The following DIP2C variants were observed in gnomAD, a reference collection of about 807,000 sequenced individuals.
DIP2C encodes DIP2 acetate--CoA ligase C (putative).
In DIP2C, 33 loss-of-function variants were observed where a neutral mutation model predicts 192.4. The observed-to-expected ratio is 0.17, with a 90% CI of 0.13 to 0.23. The LOEUF (loss-of-function observed/expected upper bound fraction) is 0.23, where lower values mean the gene tolerates loss of function less well. Ranked by LOEUF, DIP2C falls within the 10% of genes least tolerant of loss-of-function variation. The pLI is 1.00. For missense variants in DIP2C, 1,537 were observed against 2,110.1 expected (o/e 0.73, Z 5.32); for synonymous variants, 979 against 864.1 (o/e 1.13, Z -2.33).
chr10:638,591 T>C (rs1854963763), intron 1 of DIP2C, among the ~76,000 whole-genome samples: 1 of 152,216 alleles, frequency 6.6e-6, no homozygotes, highest in Non-Finnish European at 1.5e-5. Flanking sequence ...CCTCAAGCAC[T>C]ATCACCTAGA....
At position 277,164 on chromosome 10, in the gene DIP2C, G is replaced by T; in HGVS notation, c.*161C>A. The T allele has an allele frequency of 9.6e-7, 1 of 1,046,384 alleles. No homozygotes were observed. Among genetic ancestry groups the T allele is most frequent in the Non-Finnish European group, 1.3e-6 (1 of 742,700 alleles). The allele number at this position is 1,046,384 out of a possible 1,614,324, so 64.8% of individuals were successfully genotyped here. A position where few individuals can be genotyped will look rare whatever the true frequency, so the allele number is the denominator to read the frequency against. On this transcript the variant is annotated 3_prime_UTR_variant, in exon 37 of 37. Transcript: ENST00000280886. The stretch of plus-strand genomic sequence containing the variant: ...TTCACATTTCACCCCCATGCCAATC[G>T]TGGCTGCTGTGAGAAGTCCTCTTCC...
In DIP2C at chr10:380,555, A is replaced by G. The variant is rs114685510; in HGVS notation, c.1991+2092T>C. Among the ~76,000 whole-genome samples the G allele has an allele frequency of 6.1e-3, 925 of 152,378 alleles. 4 individuals are homozygous for G. Among genetic ancestry groups the G allele is most frequent in the Middle Eastern group, 0.014 (4 of 294 alleles). The stretch of plus-strand genomic sequence containing the variant: ...AGAGGAAACGGCCATCCTCGAACCC[A>G]TCCAAACAGGCATAATCCGTCCTCT... On this transcript the variant is annotated intron_variant, in intron 17 of 36. Coordinates refer to ENST00000280886, the MANE Select transcript of DIP2C (RefSeq NM_014974.3).
intron 2 of DIP2C, among the ~76,000 whole-genome samples, chr10:474,592 T>C (rs1327430385): frequency 6.6e-6 from 1 of 152,044 alleles, no homozygotes; most frequent in African/African-American, 2.4e-5. Context: ...CTTGTTCTCA[T>C]GCTCTTCAAT....
chr10:357,330 T>C (rs922552492), intron 23 of DIP2C, among the ~76,000 whole-genome samples: 6 of 152,288 alleles, frequency 3.9e-5, no homozygotes, highest in African/African-American at 1.4e-4. Flanking sequence ...AACTGCTTCT[T>C]AGAGTCCACA....
intron 1 of DIP2C, among the ~76,000 whole-genome samples, chr10:570,537 T>TCCAG (rs957719029): frequency 2.6e-5 from 4 of 152,152 alleles, no homozygotes; most frequent in African/African-American, 9.7e-5. Flanking sequence ...CGCTCTTCCA[T>TCCAG]CCAGCCAGAC....
intron 1 of DIP2C, among the ~76,000 whole-genome samples, chr10:489,151 A>G (rs933983007): frequency 3.9e-5 from 6 of 152,166 alleles, no homozygotes; most frequent in African/African-American, 1.4e-4. Flanking sequence ...CCCAAAGCTC[A>G]TGGCTCACAA....
chr10:590,434 C>T (rs945268266), intron 1 of DIP2C, among the ~76,000 whole-genome samples: 2 of 152,242 alleles, frequency 1.3e-5, no homozygotes, highest in African/African-American at 4.8e-5. Context: ...CCTGGTGACA[C>T]AAGGCCCAGT....
intron 24 of DIP2C, among the ~76,000 whole-genome samples, chr10:353,812 G>A (rs969357216): frequency 6.6e-6 from 1 of 152,190 alleles, no homozygotes; most frequent in Non-Finnish European, 1.5e-5. Context: ...CACTTATGGT[G>A]TGTGGAGTGA....
At chr10:580,402 A>G (rs1404836223) in intron 1 of DIP2C, among the ~76,000 whole-genome samples, 3 of 152,182 alleles carry the variant, frequency 2.0e-5, no homozygotes, top group African/African-American at 7.2e-5. Context: ...ATGTGCAAAT[A>G]CCCATATGGT....
rs185245920 is a variant in DIP2C at position 552,169 on chromosome 10, T to G, written c.86-65639A>C. Among the ~76,000 whole-genome samples, 610 of 152,360 alleles carry G rather than the reference T, an allele frequency of 4.0e-3. 7 individuals carry two copies. The highest frequency in any genetic ancestry group is 6.4e-3 in the Non-Finnish European group (436 of 68,036). ...ATGGCAGCTCTACCAAGACCAAGAA[T>G]GGCAACTAATCTGAGATTTACTATC... On this transcript the variant is annotated intron_variant, in intron 1 of 36. Coordinates refer to ENST00000280886, the MANE Select transcript of DIP2C (RefSeq NM_014974.3).
At chr10:537,519 T>C (rs1424894223) in intron 1 of DIP2C, among the ~76,000 whole-genome samples, 1 of 152,126 alleles carries the variant, frequency 6.6e-6, no homozygotes, top group Non-Finnish European at 1.5e-5. Context: ...CTCCAGCATC[T>C]GCCCCCCACA....
chr10:426,997 A>C (rs923009008), intron 4 of DIP2C, among the ~76,000 whole-genome samples: 1 of 152,260 alleles, frequency 6.6e-6, no homozygotes, highest in Non-Finnish European at 1.5e-5. Context: ...ACTGGACTTC[A>C]TTAAAATAGA....
At chr10:279,551 T>C (rs530444052) in intron 36 of DIP2C, among the ~76,000 whole-genome samples, 2 of 152,356 alleles carry the variant, frequency 1.3e-5, no homozygotes, top group Admixed American at 6.5e-5. Context: ...GAAAGTTTGT[T>C]TGGCTTGAAT....
intron 31 of DIP2C, among the ~76,000 whole-genome samples, chr10:321,547 G>C (rs139591058): frequency 0.02 from 2,551 of 127,816 alleles, 121 homozygotes; most frequent in African/African-American, 0.072. Flanking sequence ...TCCAGCGAGA[G>C]ACCGGCGCTG....
chr10:511,808 T>C (rs1846030917), intron 1 of DIP2C, among the ~76,000 whole-genome samples: 1 of 152,204 alleles, frequency 6.6e-6, no homozygotes, highest in Non-Finnish European at 1.5e-5. Context: ...ATGCAATACA[T>C]ATTTAAGGAC....
intron 17 of DIP2C, among the ~76,000 whole-genome samples, chr10:372,809 C>T (rs1564629050): frequency 1.3e-5 from 2 of 151,416 alleles, no homozygotes; most frequent in East Asian, 1.9e-4. Flanking sequence ...CACAGGCAGG[C>T]ACAGAAGCGC....
chr10:491,544 CAG>C (rs1168014981), intron 1 of DIP2C, among the ~76,000 whole-genome samples: 6 of 152,190 alleles, frequency 3.9e-5, no homozygotes, highest in Non-Finnish European at 8.8e-5. Context: ...GCACTGGGGA[CAG>C]GGGCAGGAGG....
Position 585,317 on chromosome 10 carries a change from G to A in DIP2C, c.86-98787C>T, listed in dbSNP as rs192514864. Among the ~76,000 whole-genome samples the A allele has an allele frequency of 8.5e-5, 13 of 152,340 alleles. No individual in the cohort carries two copies. In the East Asian group the frequency reaches 2.1e-3, roughly 25 times the overall value. ...TCACAAGCTGGAAACAGAGGACCAA[G>A]CTGACAGGAGGCCTCTCTCCATTCC... On this transcript the variant is annotated intron_variant, in intron 1 of 36. Transcript: ENST00000280886.
At chr10:438,632 G>A (rs975363194) in intron 4 of DIP2C, among the ~76,000 whole-genome samples, 1 of 150,606 alleles carries the variant, frequency 6.6e-6, no homozygotes, top group African/African-American at 2.4e-5. Flanking sequence ...CTGGGACTAT[G>A]CGCACACACC....
Sources: allele counts gnomAD v4.1 joint callset (sites outside exome capture counted in the v4.1 genomes callset), GRCh38; gene constraint gnomAD v4.1.1; transcripts MANE v1.5; gene names NCBI Gene and HGNC (gene_info 2026-07-23, HGNC 2026-07-21).